Variants in COX15 observed in about 807,000 individuals in gnomAD.
COX15 encodes cytochrome c oxidase assembly factor COX15.
A neutral mutation model predicts 51.9 loss-of-function variants in COX15; 51 were observed. The ratio of observed to expected loss-of-function variants is 0.98; its 90% CI spans 0.78 to 1.24. The LOEUF (loss-of-function observed/expected upper bound fraction) is 1.24, where lower values mean the gene tolerates loss of function less well. Among genes scored for constraint, COX15 ranks in the 50% most tolerant of loss-of-function variants. The pLI is 0.00. For synonymous variants in COX15, 188 were observed against 190.5 expected (o/e 0.99, Z 0.11); for missense variants, 420 against 501.1 (o/e 0.84, Z 1.55).
chr10:99,713,350 G>C lies in COX15; in HGVS notation c.*1237C>G. On this transcript the variant is annotated 3_prime_UTR_variant, in exon 9 of 9. Transcript: ENST00000016171. Reference sequence around the variant, plus strand: ...ATTTCATCTCGATGGGGTCATTCTGGGACTGTTTTCAGTTGCCACTGTCAT... The same window carrying C: ...ATTTCATCTCGATGGGGTCATTCTGCGACTGTTTTCAGTTGCCACTGTCAT... 6.2e-7 allele frequency: 1 copy of C among 1,611,804 alleles called. No homozygotes were observed. The highest frequency in any genetic ancestry group is 1.1e-5 in the South Asian group (1 of 90,994).
At chr10:99,695,751 C>T in the COX15 span, among the ~76,000 whole-genome samples, 135,836 of 152,254 alleles carry the variant, frequency 0.89, 60,710 homozygotes, top group African/African-American at 0.94. Flanking sequence ...ATATTTAGTT[C>T]TTAATTTAGT....
chr10:99,730,528 G>A (rs1315233042), intron 1 of COX15, among the ~76,000 whole-genome samples: 2 of 151,866 alleles, frequency 1.3e-5, no homozygotes, highest in Admixed American at 1.3e-4. Flanking sequence ...AGGTTGCAGT[G>A]AGCCAAGGTC....
intron 2 of COX15, among the ~76,000 whole-genome samples, chr10:99,729,334 C>T (rs1250338121): frequency 3.9e-5 from 6 of 151,932 alleles, no homozygotes; most frequent in African/African-American, 1.2e-4. Context: ...TGGTGGCACG[C>T]GCCTAGTCCC....
At chr10:99,724,959 A>T (rs1397405253) in intron 4 of COX15, among the ~76,000 whole-genome samples, 1 of 152,256 alleles carries the variant, frequency 6.6e-6, no homozygotes, top group Non-Finnish European at 1.5e-5. Flanking sequence ...ACCACAGTTT[A>T]TGGGGATATA....
At chr10:99,718,247 G>T in intron 7 of COX15, 99 bp downstream of exon 7, 2 of 1,219,988 alleles carry the variant, frequency 1.6e-6, no homozygotes, top group Non-Finnish European at 2.4e-6. Context: ...TATAGTTCCT[G>T]CTCTACCCTC....
the COX15 span, chr10:99,698,937 C>T: frequency 1.5e-6 from 2 of 1,343,952 alleles, no homozygotes; most frequent in Non-Finnish European, 2.0e-6. Context: ...AGGTGCTGTG[C>T]AAAGGGCTTT....
chr10:99,710,909 AC>A lies in COX15; in HGVS notation c.*3677del, dbSNP rs2133551250. ...TTTTAATTTCCTTCATGTTTTAAAA[AC>A]AATGGACGTAAGTGCAGAGAGACCT... On this transcript the variant is annotated 3_prime_UTR_variant, in exon 9 of 9. Transcript: ENST00000016171. The A allele has an allele frequency of 1.0e-6, 1 of 985,394 alleles. No homozygotes were observed. Among genetic ancestry groups the A allele is most frequent in the East Asian group, 1.1e-4 (1 of 8,820 alleles). The allele number at this position is 985,394 out of a possible 1,614,324, so 61.0% of individuals were successfully genotyped here.
chr10:99,701,516 G>A, the COX15 span, among the ~76,000 whole-genome samples: 1 of 151,550 alleles, frequency 6.6e-6, no homozygotes, highest in Non-Finnish European at 1.5e-5. Context: ...TTGAACTCCT[G>A]AGCTCAAGTG....
At chr10:99,718,587 C>T in intron 6 of COX15, 87 bp from the exon 7 acceptor site, 1 of 1,365,454 alleles carries the variant, frequency 7.3e-7, no homozygotes, top group East Asian at 2.3e-5. Flanking sequence ...TCTGTTATCC[C>T]AGAGTTAAAC....
the COX15 span, chr10:99,704,348 G>A: frequency 8.9e-7 from 1 of 1,118,102 alleles, no homozygotes; most frequent in Non-Finnish European, 1.3e-6. Context: ...TGTTTATGTG[G>A]ATGGAATAAA....
At chr10:99,727,712 G>C (rs1398449115) in intron 2 of COX15, 149 bp from the exon 3 acceptor site, 30 of 1,008,814 alleles carry the variant, frequency 3.0e-5, no homozygotes, top group Non-Finnish European at 4.1e-5. Flanking sequence ...CTCTGTTACT[G>C]CTTGGAATTT....
Position 99,713,696 on chromosome 10 carries a change from G to T in COX15, c.*891C>A. On this transcript the variant is annotated 3_prime_UTR_variant, in exon 9 of 9. Transcript: ENST00000016171. ...TTATCAAAAGAGGAACTAGCTGGGCGTGGTGGCCCATGCCTGTAATCTCAG... is the reference window on the plus strand; with the variant it reads ...TTATCAAAAGAGGAACTAGCTGGGCTTGGTGGCCCATGCCTGTAATCTCAG... 1 of 712,436 alleles carries T rather than the reference G, an allele frequency of 1.4e-6. No individual in the cohort carries two copies. The highest frequency in any genetic ancestry group is 1.9e-5 in the South Asian group (1 of 53,080). The allele number at this position is 712,436 out of a possible 1,614,324, so 44.1% of individuals were successfully genotyped here. A position where few individuals can be genotyped will look rare whatever the true frequency, so the allele number is the denominator to read the frequency against.
rs1182434801 is a variant in COX15 at position 99,711,646 on chromosome 10, AT to A, written c.*2940del. The stretch of plus-strand genomic sequence containing the variant: ...AATATGCCTTTTACTTCCTCCAGGG[AT>A]TGTGACTTAATTGGTCTTAGATGAG... On this transcript the variant is annotated 3_prime_UTR_variant, in exon 9 of 9. Coordinates refer to ENST00000016171, the MANE Select transcript of COX15 (RefSeq NM_078470.6). 30 of 985,044 alleles carry A rather than the reference AT, an allele frequency of 3.0e-5. No homozygotes were observed. Among genetic ancestry groups the A allele is most frequent in the Non-Finnish European group, 3.3e-5 (27 of 829,716 alleles). 61.0% of individuals were successfully genotyped at this position (985,044 alleles called of 1,614,324 possible). A position where few individuals can be genotyped will look rare whatever the true frequency, so the allele number is the denominator to read the frequency against.
At chr10:99,700,444 GTT>G in the COX15 span, among the ~76,000 whole-genome samples, 2 of 145,134 alleles carry the variant, frequency 1.4e-5, no homozygotes, top group African/African-American at 5.3e-5. Flanking sequence ...GTGTGTGTGT[GTT>G]TATTGTCTGT....
downstream of COX15, chr10:99,709,626 C>T (rs986138488): frequency 2.4e-5 from 24 of 985,298 alleles, no homozygotes; most frequent in Admixed American, 6.1e-5. Context: ...CTCATTCTCT[C>T]ATAACCTGGA....
chr10:99,716,961 A>C (rs2036599306), intron 7 of COX15, among the ~76,000 whole-genome samples: 1 of 152,074 alleles, frequency 6.6e-6, no homozygotes, highest in African/African-American at 2.4e-5. Context: ...ACTGGCAATA[A>C]TGGTCTCCTT....
At chr10:99,705,993 C>T (rs909714694), downstream of COX15, 2 of 152,208 alleles carry the variant, frequency 1.3e-5, no homozygotes, top group African/African-American at 2.4e-5. Flanking sequence ...TTTACCCTTT[C>T]CTACATGTAG....
chr10:99,715,282 C>T (rs6584316), intron 8 of COX15, among the ~76,000 whole-genome samples: 41,344 of 151,878 alleles, frequency 0.27, 5,741 homozygotes, highest in Non-Finnish European at 0.3. Context: ...GGATTACAGG[C>T]GTGTGCCACC....
At position 99,721,087 on chromosome 10, in the gene COX15, C is replaced by T. The variant is rs760057994; in HGVS notation, c.751-19G>A. ...CAGGCAACTAAATATGAAAAAAAATCATTCAGTTAAACTGTGTTGCAGGAA... is the reference window on the plus strand; with the variant it reads ...CAGGCAACTAAATATGAAAAAAAATTATTCAGTTAAACTGTGTTGCAGGAA... On this transcript the variant is annotated intron_variant, in intron 5 of 8. Transcript: ENST00000016171. The T allele has an allele frequency of 1.7e-5, 27 of 1,597,624 alleles. No individual in the cohort carries two copies. The highest frequency in any genetic ancestry group is 2.3e-5 in the Non-Finnish European group (27 of 1,169,258).
Sources: gnomAD v4.1 joint callset for allele counts (sites outside exome capture counted in the v4.1 genomes callset) on GRCh38, gnomAD v4.1.1 for gene constraint, MANE v1.5 for transcripts, NCBI Gene and HGNC (gene_info 2026-07-23, HGNC 2026-07-21) for gene names.